MINDY3: variants seen among roughly 807,000 people sequenced by gnomAD.
MINDY3 encodes MINDY lysine 48 deubiquitinase 3.
In MINDY3, 38 loss-of-function variants were observed where a neutral mutation model predicts 69.2. The ratio of observed to expected loss-of-function variants is 0.55; its 90% CI spans 0.42 to 0.72. MINDY3 has a LOEUF of 0.72. Ranked by LOEUF, MINDY3 falls within the 30% of genes least tolerant of loss-of-function variation. The probability of loss-of-function intolerance (pLI) is 0.00; values close to 1 mark genes in which losing one functional copy is unlikely to be tolerated. For missense variants in MINDY3, 522 were observed against 519.0 expected (o/e 1.01, Z -0.06); for synonymous variants, 192 against 180.1 (o/e 1.07, Z -0.53).
intron 13 of MINDY3, among the ~76,000 whole-genome samples, chr10:15,784,549 A>T (rs957748557): frequency 1.3e-5 from 2 of 152,180 alleles, no homozygotes; most frequent in African/African-American, 4.8e-5. Flanking sequence ...GTTTGAGACC[A>T]GCCTGACCAA....
intron 14 of MINDY3, among the ~76,000 whole-genome samples, chr10:15,779,898 T>TAA (rs1298440260): frequency 6.6e-6 from 1 of 152,158 alleles, no homozygotes; most frequent in East Asian, 1.9e-4. Context: ...GAAACATACT[T>TAA]AAAAAGTATT....
In MINDY3 at chr10:15,782,251, C is replaced by A. The variant is rs181239213; in HGVS notation, c.1117-25G>T. 1,447 of 1,459,864 alleles carry A rather than the reference C, an allele frequency of 9.9e-4. 18 individuals carry two copies. The African/African-American group carries it at 0.018, about 19-fold the overall frequency. The allele number at this position is 1,459,864 out of a possible 1,614,324, so 90.4% of individuals were successfully genotyped here. On this transcript the variant is annotated intron_variant, in intron 13 of 14. Coordinates refer to ENST00000277632, the MANE Select transcript of MINDY3 (RefSeq NM_024948.4). ...CCTATTATAAATAAAGGACTATTAA[C>A]ACTTTAAATTATATTTATATCAGGC...
intron 9 of MINDY3, among the ~76,000 whole-genome samples, chr10:15,818,203 G>A (rs1222306816): frequency 1.3e-5 from 2 of 152,010 alleles, no homozygotes; most frequent in African/African-American, 4.8e-5. Context: ...TAAGTTTTCT[G>A]ACTTCTATCT....
chr10:15,793,173 T>C (rs891079900), intron 11 of MINDY3, among the ~76,000 whole-genome samples: 1 of 152,080 alleles, frequency 6.6e-6, no homozygotes, highest in East Asian at 1.9e-4. Flanking sequence ...TATCCAAACA[T>C]TTTCTTCCAC....
At chr10:15,840,997 A>G (rs1436564797) in intron 4 of MINDY3, among the ~76,000 whole-genome samples, 1 of 151,604 alleles carries the variant, frequency 6.6e-6, no homozygotes, top group Non-Finnish European at 1.5e-5. Context: ...AACAGCTTGC[A>G]ATGAGGAGAA....
At chr10:15,818,547 T>A (rs1384979151) in intron 9 of MINDY3, among the ~76,000 whole-genome samples, 3 of 152,176 alleles carry the variant, frequency 2.0e-5, no homozygotes, top group African/African-American at 7.2e-5. Context: ...AAAAAATTTG[T>A]ACATCAATGT....
chr10:15,804,754 G>T (rs1038559193), intron 10 of MINDY3, among the ~76,000 whole-genome samples: 2 of 152,086 alleles, frequency 1.3e-5, no homozygotes, highest in Non-Finnish European at 2.9e-5. Flanking sequence ...TTGGGAAATA[G>T]ATTTTAAGTC....
In MINDY3 at chr10:15,841,583, T is replaced by C. The variant is rs1461625094; in HGVS notation, c.252A>G (p.Glu84=). 5.0e-6 allele frequency: 8 copies of C among 1,606,024 alleles called. No individual in the cohort carries two copies. The highest frequency in any genetic ancestry group is 2.2e-5 in the East Asian group (1 of 44,700). ...WRDCSEEEQK[E]LLCHTLCDIL... is the part of the protein sequence containing the mutation. ...TATCACACAAGGTATGACAAAGGAGTTCCTTCTGCTCTTCCTCTAAAAATA... is the reference window on the plus strand; with the variant it reads ...TATCACACAAGGTATGACAAAGGAGCTCCTTCTGCTCTTCCTCTAAAAATA... The change falls in exon 4 of 15, where the codon GAA becomes GAG. Residue 84 remains glutamate, a synonymous_variant. Transcript: ENST00000277632.
intron 10 of MINDY3, among the ~76,000 whole-genome samples, chr10:15,796,399 A>G (rs1588529664): frequency 6.6e-6 from 1 of 151,872 alleles, no homozygotes; most frequent in Non-Finnish European, 1.5e-5. Context: ...TGAATAATAC[A>G]TGTGGAGTTT....
chr10:15,843,070 GT>G, intron 3 of MINDY3, 141 bp downstream of exon 3: 1 of 680,662 alleles, frequency 1.5e-6, no homozygotes, highest in Non-Finnish European at 2.6e-6. Context: ...TGGAGTCACT[GT>G]TCATGAAACT....
chr10:15,821,796 G>C, intron 8 of MINDY3, 70 bp from the exon 9 acceptor site: 2 of 1,163,032 alleles, frequency 1.7e-6, no homozygotes, highest in South Asian at 2.8e-5. Flanking sequence ...AATTTGAAAC[G>C]TACTTATATG....
rs1393971397 is a variant in MINDY3, at chr10:15,782,225, C to T, written c.1118G>A (p.Gly373Asp). 3 of 1,595,874 alleles carry T rather than the reference C, an allele frequency of 1.9e-6. No homozygotes were observed. The highest frequency in any genetic ancestry group is 2.2e-5 in the South Asian group (2 of 89,842). The change falls in exon 14 of 15, where the codon GGC becomes GAC. Residue 373 changes from glycine to aspartate, a missense_variant and splice_region_variant. Transcript: ENST00000277632. ...AGTAAAAGATTCTGGACCACTGGAG[C>T]CCTATTATAAATAAAGGACTATTAA... Reference protein sequence around the residue: ...PFLQEFFPDQGSSGPESFTVY... With the variant: ...PFLQEFFPDQDSSGPESFTVY...
At chr10:15,844,133 G>A (rs1213240292) in intron 2 of MINDY3, among the ~76,000 whole-genome samples, 1 of 152,104 alleles carries the variant, frequency 6.6e-6, no homozygotes, top group Non-Finnish European at 1.5e-5. Context: ...AGTTTGCAGC[G>A]AAGATTATAT....
At chr10:15,792,578 C>T (rs78541131) in intron 11 of MINDY3, among the ~76,000 whole-genome samples, 4,584 of 151,904 alleles carry the variant, frequency 0.03, 204 homozygotes, top group African/African-American at 0.1. Flanking sequence ...CTAGAGAATG[C>T]CTAGGGAGTG....
At chr10:15,842,294 A>C (rs1833526844) in intron 3 of MINDY3, among the ~76,000 whole-genome samples, 1 of 151,970 alleles carries the variant, frequency 6.6e-6, no homozygotes, top group African/African-American at 2.4e-5. Context: ...ATGGATTAAC[A>C]GTTCTTTAAC....
chr10:15,783,484 C>T (rs1348027435), intron 13 of MINDY3, among the ~76,000 whole-genome samples: 1 of 151,950 alleles, frequency 6.6e-6, no homozygotes, highest in Non-Finnish European at 1.5e-5. Flanking sequence ...CTAAAATGCC[C>T]TCCTCTCCTT....
At chr10:15,827,086 T>C (rs1341667694) in intron 8 of MINDY3, among the ~76,000 whole-genome samples, 3 of 146,716 alleles carry the variant, frequency 2.0e-5, no homozygotes, top group Admixed American at 7.1e-5. Context: ...TACTGCACTA[T>C]GGCCTGGGTG....
chr10:15,806,506 A>G lies in MINDY3; in HGVS notation c.882+10329T>C, dbSNP rs147299110. Among the ~76,000 whole-genome samples, 506 of 152,262 alleles carry G rather than the reference A, an allele frequency of 3.3e-3. 3 individuals carry two copies. Among genetic ancestry groups the G allele is most frequent in the African/African-American group, 0.012 (481 of 41,568 alleles). On this transcript the variant is annotated intron_variant, in intron 10 of 14. Transcript: ENST00000277632. The stretch of plus-strand genomic sequence containing the variant: ...TGCATGATTACAAATTAGTCACAGT[A>G]CTCACATTTATAATTTAAAATTTTA...
At chr10:15,841,996 C>T (rs939266912) in intron 3 of MINDY3, among the ~76,000 whole-genome samples, 8 of 151,588 alleles carry the variant, frequency 5.3e-5, no homozygotes, top group Admixed American at 3.9e-4. Flanking sequence ...TTTTCCCTCA[C>T]ATCTGAATTA....
Sources: allele counts gnomAD v4.1 joint callset (sites outside exome capture counted in the v4.1 genomes callset), GRCh38; gene constraint gnomAD v4.1.1; transcripts MANE v1.5; gene names NCBI Gene and HGNC (gene_info 2026-07-23, HGNC 2026-07-21).